Variants in RALB observed in about 807,000 individuals in gnomAD.
The protein encoded by RALB is RAS like proto-oncogene B.
RALB carries 16 observed loss-of-function variants against 21.3 expected under a neutral mutation model. That is an observed-to-expected ratio of 0.75 (90% CI 0.51 to 1.14). The LOEUF is 1.14. RALB is among the 50% of genes most tolerant of loss of function. The pLI is 0.00. For synonymous variants in RALB, 93 were observed against 96.1 expected, an observed-to-expected ratio of 0.97 and a Z score of 0.19; for missense variants, 161 against 256.2, an observed-to-expected ratio of 0.63 and a Z score of 2.54.
At chr2:120,244,890 G>C (rs1192715185) in intron 1 of RALB, among the ~76,000 whole-genome samples, 1 of 152,212 alleles carries the variant, frequency 6.6e-6, no homozygotes, top group Non-Finnish European at 1.5e-5. Context: ...AGTAGCTTCA[G>C]GCTGTGATAC....
upstream of RALB, among the ~76,000 whole-genome samples, chr2:120,250,352 C>T (rs1244055503): frequency 6.6e-6 from 1 of 152,208 alleles, no homozygotes; most frequent in Non-Finnish European, 1.5e-5. Flanking sequence ...CTAACATTCT[C>T]AGTAGCCATA....
rs147468258 is a variant in RALB, at chr2:120,246,780, G to A, written c.19+6655G>A. Among the ~76,000 whole-genome samples the A allele has an allele frequency of 2.0e-3, 305 of 152,296 alleles. 1 individual carries two copies. Among genetic ancestry groups the A allele is most frequent in the Middle Eastern group, 0.01 (3 of 294 alleles). On this transcript the variant is annotated intron_variant, in intron 1 of 3. Transcript: ENST00000447591. ...GCTCTGCCGTTTAAAGGGCAGCAGA[G>A]GTCACGGGGACTGTGAGGGAGAGCC... is the stretch of plus-strand genomic sequence containing the variant.
At chr2:120,284,256 A>G (rs1458558282) in intron 2 of RALB, among the ~76,000 whole-genome samples, 1 of 152,226 alleles carries the variant, frequency 6.6e-6, no homozygotes, top group East Asian at 1.9e-4. Flanking sequence ...TTAACTGACA[A>G]TACAAGGCTC....
chr2:120,278,594 AGTCTTT>A lies in RALB; in HGVS notation c.-47-14_-47-9del. Reference sequence around the variant, plus strand: ...CTAGGTTGAAAGCAAATCGCCTCTAAGTCTTTGTCTTTGTCATCAGCAGCTCTTCAG... The same window carrying A: ...CTAGGTTGAAAGCAAATCGCCTCTAAGTCTTTGTCATCAGCAGCTCTTCAG... On this transcript the variant is annotated intron_variant, in intron 1 of 4. Coordinates refer to ENST00000272519, the MANE Select transcript of RALB (RefSeq NM_002881.3). 7.0e-7 allele frequency: 1 copy of A among 1,425,252 alleles called. No homozygotes were observed. Among genetic ancestry groups the A allele is most frequent in the South Asian group, 1.5e-5 (1 of 67,560 alleles). 88.3% of individuals were successfully genotyped at this position (1,425,252 alleles called of 1,614,324 possible).
rs10175084 is a variant in RALB at position 120,273,857 on chromosome 2, G to A, written c.-47-4761G>A. On this transcript the variant is annotated intron_variant, in intron 1 of 4. Coordinates refer to ENST00000272519, the MANE Select transcript of RALB (RefSeq NM_002881.3). ...CTTCCCTGTTCTTTCCCTTAATTAT[G>A]CCAAGTTGACTGAAGCAGTGATACA... Among the ~76,000 whole-genome samples, 1,345 of 152,300 alleles carry A rather than the reference G, an allele frequency of 8.8e-3. 23 individuals carry two copies. The highest frequency in any genetic ancestry group is 0.031 in the African/African-American group (1,269 of 41,564).
At chr2:120,269,797 A>G (rs1029077306) in intron 1 of RALB, among the ~76,000 whole-genome samples, 2 of 152,232 alleles carry the variant, frequency 1.3e-5, no homozygotes, top group African/African-American at 2.4e-5. Flanking sequence ...AGTGACAAAA[A>G]ATTATTCTTG....
intron 1 of RALB, chr2:120,253,490 T>C: frequency 1.0e-6 from 1 of 985,734 alleles, no homozygotes; most frequent in Non-Finnish European, 1.2e-6. Flanking sequence ...AAGTTGTTTC[T>C]CCCCCAGCCT....
At chr2:120,267,465 C>G (rs1223227183) in intron 1 of RALB, among the ~76,000 whole-genome samples, 1 of 152,118 alleles carries the variant, frequency 6.6e-6, no homozygotes, top group Admixed American at 6.5e-5. Flanking sequence ...ATTAGAATAG[C>G]AGCTACACAA....
rs116707622 is a variant in RALB, at chr2:120,283,103, C to T, written c.115-2771C>T. 9.2e-3 allele frequency among the ~76,000 whole-genome samples: 1,404 copies of T among 152,056 alleles called. 20 individuals are homozygous for T. Among genetic ancestry groups the T allele is most frequent in the Non-Finnish European group, 0.012 (789 of 67,982 alleles). Reference sequence around the variant, plus strand: ...AGTGGTGCTCTTCTGGTGGTTCTGCCGCGTGGCCAGGTGTGGCAGCTCCTG... The same window carrying T: ...AGTGGTGCTCTTCTGGTGGTTCTGCTGCGTGGCCAGGTGTGGCAGCTCCTG... On this transcript the variant is annotated intron_variant, in intron 2 of 4. Coordinates refer to ENST00000272519, the MANE Select transcript of RALB (RefSeq NM_002881.3).
At chr2:120,244,015 G>A (rs577466617) in intron 1 of RALB, among the ~76,000 whole-genome samples, 2 of 152,320 alleles carry the variant, frequency 1.3e-5, no homozygotes, top group South Asian at 4.1e-4. Context: ...TGGCTGGGGA[G>A]GCCTTGGGAA....
rs1690375518 is a variant in RALB at position 120,294,467 on chromosome 2, A to C, written c.*1207A>C. 1 of 390,630 alleles carries C rather than the reference A, an allele frequency of 2.6e-6. No individual in the cohort carries two copies. The highest frequency in any genetic ancestry group is 4.5e-6 in the Non-Finnish European group (1 of 221,542). 24.2% of individuals were successfully genotyped at this position (390,630 alleles called of 1,614,324 possible). On this transcript the variant is annotated 3_prime_UTR_variant, in exon 5 of 5. Transcript: ENST00000272519. ...CAGTATTCTAAATTGAGCAAACTGA[A>C]AGATTTTCATCAGGAAAGGAGCACT...
intron 2 of RALB, chr2:120,280,964 T>C (rs1689975905): frequency 2.6e-6 from 1 of 391,986 alleles, no homozygotes; most frequent in Non-Finnish European, 4.9e-6. Context: ...TTTTGTGATG[T>C]CAGTGCTGTT....
At chr2:120,287,553 C>T (rs538168455) in intron 3 of RALB, among the ~76,000 whole-genome samples, 202 of 152,284 alleles carry the variant, frequency 1.3e-3, no homozygotes, top group African/African-American at 4.7e-3. Flanking sequence ...TTCCCTGTCC[C>T]GAGCCTTTTG....
intron 1 of RALB, among the ~76,000 whole-genome samples, chr2:120,256,579 C>T (rs1190571261): frequency 2.0e-5 from 3 of 152,228 alleles, no homozygotes; most frequent in African/African-American, 7.2e-5. Flanking sequence ...CTCATTCTCT[C>T]TCCTGCTGCC....
chr2:120,267,902 C>G (rs962335580), intron 1 of RALB, among the ~76,000 whole-genome samples: 1 of 152,110 alleles, frequency 6.6e-6, no homozygotes, highest in Non-Finnish European at 1.5e-5. Context: ...AGCGATTCTC[C>G]TGCCTCAGCC....
chr2:120,294,294 A>G lies in RALB; in HGVS notation c.*1034A>G. The G allele has an allele frequency of 2.5e-6, 1 of 398,772 alleles. No homozygotes were observed. Among genetic ancestry groups the G allele is most frequent in the East Asian group, 3.6e-5 (1 of 28,082 alleles). The allele number at this position is 398,772 out of a possible 1,614,324, so 24.7% of individuals were successfully genotyped here. Reference sequence around the variant, plus strand: ...TCTCATAGAATTGCTCTGTAATTCTAAATTTAAAATTAGAAGTAGAGAGAG... The same window carrying G: ...TCTCATAGAATTGCTCTGTAATTCTGAATTTAAAATTAGAAGTAGAGAGAG... On this transcript the variant is annotated 3_prime_UTR_variant, in exon 5 of 5. Transcript: ENST00000272519.
intron 1 of RALB, among the ~76,000 whole-genome samples, chr2:120,257,012 C>T (rs1689216556): frequency 6.6e-6 from 1 of 152,140 alleles, no homozygotes; most frequent in African/African-American, 2.4e-5. Flanking sequence ...GTTCTTTCTT[C>T]CGGTTCTTTG....
chr2:120,252,940 G>A lies in RALB; in HGVS notation c.-88G>A, dbSNP rs1432988838. ...GGGGCGGGGCGCGTTTAAGAGCTGCGGGCCGGGTGCGGACGGCGGAGGCGG... is the reference window on the plus strand; with the variant it reads ...GGGGCGGGGCGCGTTTAAGAGCTGCAGGCCGGGTGCGGACGGCGGAGGCGG... On this transcript the variant is annotated 5_prime_UTR_variant, in exon 1 of 5. Transcript: ENST00000272519. 1.1e-5 allele frequency: 11 copies of A among 985,668 alleles called. No individual in the cohort carries two copies. Among genetic ancestry groups the A allele is most frequent in the Non-Finnish European group, 1.3e-5 (11 of 830,252 alleles). The allele number at this position is 985,668 out of a possible 1,614,324, so 61.1% of individuals were successfully genotyped here. A position where few individuals can be genotyped will look rare whatever the true frequency, so the allele number is the denominator to read the frequency against.
chr2:120,241,156 C>A (rs1688888848), intron 1 of RALB, among the ~76,000 whole-genome samples: 1 of 152,202 alleles, frequency 6.6e-6, no homozygotes, highest in African/African-American at 2.4e-5. Flanking sequence ...TGGGCCCCTG[C>A]CTCCCACTCT....
Sources: allele counts gnomAD v4.1 joint callset (sites outside exome capture counted in the v4.1 genomes callset), GRCh38; gene constraint gnomAD v4.1.1; transcripts MANE v1.5; gene names NCBI Gene and HGNC (gene_info 2026-07-23, HGNC 2026-07-21).